PTPN9: variants seen among roughly 807,000 people sequenced by gnomAD.
The protein encoded by PTPN9 is protein tyrosine phosphatase non-receptor type 9.
A neutral mutation model predicts 69.8 loss-of-function variants in PTPN9; 26 were observed. The ratio of observed to expected loss-of-function variants is 0.37; its 90% CI spans 0.27 to 0.52. The LOEUF (loss-of-function observed/expected upper bound fraction) is 0.52, where lower values mean the gene tolerates loss of function less well. Ranked by LOEUF, PTPN9 falls within the 20% of genes least tolerant of loss-of-function variation. The pLI, the probability that PTPN9 is intolerant of heterozygous loss-of-function variation, is 0.91. For missense variants in PTPN9, 549 were observed against 740.3 expected, an observed-to-expected ratio of 0.74 and a Z score of 3.00; for synonymous variants, 274 against 272.5, an observed-to-expected ratio of 1.01 and a Z score of -0.05.
chr15:75,524,216 G>C lies in PTPN9; in HGVS notation c.290C>G (p.Thr97Ser). ...AGGTCCCTAAACACTCACTAAGATG[G>C]TGAATTTTCCACTGAGGATCTCAGA... ...LRSEILSGKF[T>S]ILNVRDPTGA... The change falls in exon 3 of 13, where the codon ACC becomes AGC. Residue 97 changes from threonine (T) to serine (S), a missense_variant. Transcript: ENST00000618819. 6.2e-7 allele frequency: 1 copy of C among 1,602,810 alleles called. No individual in the cohort carries two copies. The highest frequency in any genetic ancestry group is 1.1e-5 in the South Asian group (1 of 90,708).
rs530453339 is a variant in PTPN9, at chr15:75,497,061, A to G, written c.969-6760T>C. On this transcript the variant is annotated intron_variant, in intron 7 of 12. Transcript: ENST00000618819. The stretch of plus-strand genomic sequence containing the variant: ...ATTGTTCATGAGTGCTTATGCATAT[A>G]TAACAGTATAAACAAAATCAACTAG... 3.9e-5 allele frequency among the ~76,000 whole-genome samples: 6 copies of G among 152,364 alleles called. No homozygotes were observed. The South Asian group carries it at 1.0e-3, about 26-fold the overall frequency.
intron 8 of PTPN9, among the ~76,000 whole-genome samples, chr15:75,482,718 A>G (rs950885271): frequency 2.0e-5 from 3 of 151,508 alleles, no homozygotes; most frequent in African/African-American, 4.8e-5. Context: ...TCCCTCCACT[A>G]TTGTCCCATG....
rs1352443976 is a variant in PTPN9, at chr15:75,578,829, C to T, written c.-53G>A. 4 of 1,139,700 alleles carry T rather than the reference C, an allele frequency of 3.5e-6. No homozygotes were observed. The highest frequency in any genetic ancestry group is 4.4e-6 in the Non-Finnish European group (4 of 915,054). 70.6% of individuals were successfully genotyped at this position (1,139,700 alleles called of 1,614,324 possible). A position where few individuals can be genotyped will look rare whatever the true frequency, so the allele number is the denominator to read the frequency against. On this transcript the variant is annotated 5_prime_UTR_variant, in exon 1 of 13. Transcript: ENST00000618819. Reference sequence around the variant, plus strand: ...AAACTCGCTCGCGAGCGCGGGAGCCCGGCGCGCTCGGCCTCCGCTTCCGCG... The same window carrying T: ...AAACTCGCTCGCGAGCGCGGGAGCCTGGCGCGCTCGGCCTCCGCTTCCGCG...
intron 5 of PTPN9, chr15:75,513,008 C>A: frequency 2.5e-6 from 1 of 401,368 alleles, no homozygotes; most frequent in Non-Finnish European, 4.9e-6. Context: ...TTCTGTTAAT[C>A]CCTTGAGGAA....
intron 1 of PTPN9, among the ~76,000 whole-genome samples, chr15:75,555,368 G>A (rs1256580232): frequency 6.6e-6 from 1 of 152,112 alleles, no homozygotes; most frequent in Non-Finnish European, 1.5e-5. Flanking sequence ...ATCACTGGTT[G>A]TCAGACTTTG....
chr15:75,548,807 C>T lies in PTPN9; in HGVS notation c.64-21546G>A, dbSNP rs147540465. Among the ~76,000 whole-genome samples, 1,259 of 151,800 alleles carry T rather than the reference C, an allele frequency of 8.3e-3. 32 individuals are homozygous for T. The East Asian group carries it at 0.1, about 12-fold the overall frequency. ...TAGCTGGGACTACAGGCGCCCGCCA[C>T]CACGCCCGGCTAATTTTTTGTATTT... On this transcript the variant is annotated intron_variant, in intron 1 of 12. Coordinates refer to ENST00000618819, the MANE Select transcript of PTPN9 (RefSeq NM_002833.4).
At chr15:75,482,513 C>G (rs1171598466) in intron 8 of PTPN9, among the ~76,000 whole-genome samples, 1 of 131,024 alleles carries the variant, frequency 7.6e-6, no homozygotes, top group Non-Finnish European at 1.6e-5. Flanking sequence ...TGCAGTGAGC[C>G]GAGATCGTGC....
intron 2 of PTPN9, among the ~76,000 whole-genome samples, chr15:75,525,421 T>C (rs1228707515): frequency 6.6e-6 from 1 of 150,888 alleles, no homozygotes; most frequent in Non-Finnish European, 1.5e-5. Flanking sequence ...CTCCAACTCC[T>C]GGGCTGAAGC....
chr15:75,475,588 GA>G (rs529241038), intron 9 of PTPN9, among the ~76,000 whole-genome samples: 4 of 147,276 alleles, frequency 2.7e-5, no homozygotes, highest in Admixed American at 6.8e-5. Context: ...TCCATCTCAA[GA>G]AAAAAAAAAC....
intron 4 of PTPN9, among the ~76,000 whole-genome samples, chr15:75,520,483 T>TA (rs74805060): frequency 0.021 from 1,672 of 78,244 alleles, 34 homozygotes; most frequent in African/African-American, 0.085. Context: ...GATAGATAGA[T>TA]GTGTGTGTGT....
At chr15:75,540,818 C>G (rs1371550907) in intron 1 of PTPN9, among the ~76,000 whole-genome samples, 1 of 151,510 alleles carries the variant, frequency 6.6e-6, no homozygotes, top group African/African-American at 2.4e-5. Flanking sequence ...TGACTCATGC[C>G]CGTAATCCAA....
intron 1 of PTPN9, among the ~76,000 whole-genome samples, chr15:75,558,972 G>A (rs1320077399): frequency 2.0e-5 from 3 of 151,872 alleles, no homozygotes; most frequent in Admixed American, 6.6e-5. Flanking sequence ...AGTGAGGAGC[G>A]TCTCTGCCTG....
chr15:75,548,635 T>C (rs190878516), intron 1 of PTPN9, among the ~76,000 whole-genome samples: 2 of 151,416 alleles, frequency 1.3e-5, no homozygotes, highest in Non-Finnish European at 2.9e-5. Flanking sequence ...TGTTTTTTCC[T>C]TTAGAGACAA....
chr15:75,530,708 T>TTATTATATAATATATATAATATATA (rs2074956378), intron 1 of PTPN9, among the ~76,000 whole-genome samples: 4 of 34,532 alleles, frequency 1.2e-4, no homozygotes, highest in South Asian at 6.3e-4. Flanking sequence ...ATAATATATA[T>TTATTATATAATATATATAATATATA]TATTATATAA....
intron 12 of PTPN9, 75 bp downstream of exon 12, chr15:75,469,717 G>A (rs189725409): frequency 1.3e-6 from 2 of 1,486,134 alleles, no homozygotes. Context: ...TCACAGATGT[G>A]GGCTAAGAGC....
At position 75,542,909 on chromosome 15, in the gene PTPN9, T is replaced by C. The variant is rs1036253689; in HGVS notation, c.64-15648A>G. The stretch of plus-strand genomic sequence containing the variant: ...ACATGTGCACAATGTGCAGGTTTGT[T>C]ACATATGTATACATGTGCCATGTTG... On this transcript the variant is annotated intron_variant, in intron 1 of 12. Transcript: ENST00000618819. Among the ~76,000 whole-genome samples, 3 of 151,678 alleles carry C rather than the reference T, an allele frequency of 2.0e-5. No individual in the cohort carries two copies. The South Asian group carries it at 6.2e-4, about 32-fold the overall frequency.
At chr15:75,477,719 C>G (rs1359438503) in intron 9 of PTPN9, among the ~76,000 whole-genome samples, 2 of 151,958 alleles carry the variant, frequency 1.3e-5, no homozygotes, top group Admixed American at 1.3e-4. Context: ...ACCATTATCA[C>G]CTTAAGCATA....
chr15:75,509,694 A>G (rs2141313400), intron 5 of PTPN9, among the ~76,000 whole-genome samples: 1 of 152,086 alleles, frequency 6.6e-6, no homozygotes, highest in South Asian at 2.1e-4. Flanking sequence ...TCTCAAAAAA[A>G]ATAATATGGC....
At chr15:75,500,500 T>C (rs1237155164) in intron 7 of PTPN9, among the ~76,000 whole-genome samples, 2 of 151,986 alleles carry the variant, frequency 1.3e-5, no homozygotes, top group Non-Finnish European at 2.9e-5. Flanking sequence ...ATCATACCAT[T>C]GCACTCCAGC....
Sources: allele counts gnomAD v4.1 joint callset (sites outside exome capture counted in the v4.1 genomes callset), GRCh38; gene constraint gnomAD v4.1.1; transcripts MANE v1.5; gene names NCBI Gene and HGNC (gene_info 2026-07-23, HGNC 2026-07-21).